The following GGACT variants were observed in gnomAD, a reference collection of about 807,000 sequenced individuals.
GGACT encodes the protein gamma-glutamylaminecyclotransferase.
For synonymous variants in GGACT, 118 were observed against 115.3 expected (o/e 1.02, Z -0.15); for missense variants, 241 against 233.2 (o/e 1.03, Z -0.22).
intron 2 of GGACT, among the ~76,000 whole-genome samples, chr13:100,562,735 G>T (rs1240250831): frequency 6.6e-6 from 1 of 151,524 alleles, no homozygotes; most frequent in Admixed American, 6.6e-5. Flanking sequence ...GGCGGAGGTT[G>T]CAGTGAGCTG....
intron 2 of GGACT, among the ~76,000 whole-genome samples, chr13:100,581,709 A>C (rs1027595248): frequency 1.5e-4 from 23 of 152,156 alleles, no homozygotes; most frequent in African/African-American, 5.6e-4. Flanking sequence ...AGGGAGGGGG[A>C]AAGTGTGACT....
rs1327521234 is a variant in GGACT, at chr13:100,532,253, C to T, written c.339G>A (p.Ala113=). Reference sequence around the variant, plus strand: ...CCCTGCTGTACACGAAGCACTGCACCGCGGTGGGCGCTGGCGGCTCCTCTG... The same window carrying T: ...CCCTGCTGTACACGAAGCACTGCACTGCGGTGGGCGCTGGCGGCTCCTCTG... The part of the protein sequence containing the change: ...PGAEEPPAPT[A]VQCFVYSRAT... Residue 113 remains alanine (A), a synonymous_variant, in exon 3 of 3, where the codon GCG becomes GCA. Coordinates refer to ENST00000683975, the MANE Select transcript of GGACT (RefSeq NM_001195087.2). 1.3e-6 allele frequency: 2 copies of T among 1,521,416 alleles called. No individual in the cohort carries two copies. Among genetic ancestry groups the T allele is most frequent in the Non-Finnish European group, 1.8e-6 (2 of 1,129,028 alleles). 94.2% of individuals were successfully genotyped at this position (1,521,416 alleles called of 1,614,324 possible). A position where few individuals can be genotyped will look rare whatever the true frequency, so the allele number is the denominator to read the frequency against.
intron 2 of GGACT, among the ~76,000 whole-genome samples, chr13:100,557,154 G>A (rs2153014794): frequency 6.6e-6 from 1 of 152,292 alleles, no homozygotes; most frequent in Middle Eastern, 3.4e-3. Flanking sequence ...GCCTCCTAAA[G>A]TGCTGGGATT....
At chr13:100,544,038 C>A (rs1301133648) in intron 2 of GGACT, among the ~76,000 whole-genome samples, 1 of 152,200 alleles carries the variant, frequency 6.6e-6, no homozygotes, top group Non-Finnish European at 1.5e-5. Context: ...CCTGAGCAAA[C>A]GCAGCCATTC....
At chr13:100,540,585 C>A (rs1171967527) in intron 2 of GGACT, among the ~76,000 whole-genome samples, 1 of 152,220 alleles carries the variant, frequency 6.6e-6, no homozygotes, top group Non-Finnish European at 1.5e-5. Flanking sequence ...CTTGGTTTAA[C>A]TGATTTTCTC....
In GGACT at chr13:100,577,657, G is replaced by A. The variant is rs755230644; in HGVS notation, c.-11+6168C>T. On this transcript the variant is annotated intron_variant, in intron 2 of 2. Coordinates refer to ENST00000683975, the MANE Select transcript of GGACT (RefSeq NM_001195087.2). ...CCAAAACACAAAGGGAGGAGGGCAC[G>A]TGGAACAAGCATGGCAAAGCCAGTA... Among the ~76,000 whole-genome samples, 7 of 152,208 alleles carry A rather than the reference G, an allele frequency of 4.6e-5. No homozygotes were observed. In the East Asian group the frequency reaches 5.8e-4, roughly 13 times the overall value.
At chr13:100,555,014 A>G (rs1185761289) in intron 2 of GGACT, among the ~76,000 whole-genome samples, 5 of 152,268 alleles carry the variant, frequency 3.3e-5, no homozygotes, top group Admixed American at 3.3e-4. Flanking sequence ...AGAAGTAGAT[A>G]ACCTGCAAAG....
At chr13:100,535,583 T>C (rs1382868654) in intron 2 of GGACT, among the ~76,000 whole-genome samples, 1 of 152,226 alleles carries the variant, frequency 6.6e-6, no homozygotes, top group East Asian at 1.9e-4. Context: ...GTGCCGCTGC[T>C]GTCATCACTG....
rs567401065 is a variant in GGACT, at chr13:100,536,461, T to A, written c.-10-3860A>T. The A allele has an allele frequency of 9.2e-5, 14 of 152,040 alleles. No homozygotes were observed. The East Asian group carries it at 2.1e-3, about 23-fold the overall frequency. 9.4% of individuals were successfully genotyped at this position (152,040 alleles called of 1,614,324 possible). ...TATCTTGCATTTCTTCTATTAAAAATTTTTTTGCCATGATATTTATTTCCA... is the reference window on the plus strand; with the variant it reads ...TATCTTGCATTTCTTCTATTAAAAAATTTTTTGCCATGATATTTATTTCCA... On this transcript the variant is annotated intron_variant, in intron 2 of 2. Transcript: ENST00000683975.
chr13:100,573,267 CA>C (rs955819779), intron 2 of GGACT, among the ~76,000 whole-genome samples: 8 of 152,288 alleles, frequency 5.3e-5, no homozygotes, highest in Admixed American at 1.3e-4. Flanking sequence ...GTATTCTAAA[CA>C]CCCTGGACTA....
chr13:100,533,198 G>C (rs992660192), intron 2 of GGACT: 2 of 158,254 alleles, frequency 1.3e-5, no homozygotes, highest in Admixed American at 5.9e-5. Flanking sequence ...GCCAGAAGAC[G>C]CCCTGTCCAG....
chr13:100,558,498 C>G lies in GGACT; in HGVS notation c.-11+25327G>C, dbSNP rs557372196. On this transcript the variant is annotated intron_variant, in intron 2 of 2. Coordinates refer to ENST00000683975, the MANE Select transcript of GGACT (RefSeq NM_001195087.2). The stretch of plus-strand genomic sequence containing the variant: ...GGCTAACATTGAAGACTATTAATAC[C>G]AAGTGTTGGCAAGATGTAGAGTAAC... Among the ~76,000 whole-genome samples, 174 of 152,154 alleles carry G rather than the reference C, an allele frequency of 1.1e-3. 1 individual carries two copies. In the Middle Eastern group the frequency reaches 0.014, roughly 12 times the overall value.
At chr13:100,571,322 A>G (rs1467045351) in intron 2 of GGACT, among the ~76,000 whole-genome samples, 1 of 152,220 alleles carries the variant, frequency 6.6e-6, no homozygotes, top group African/African-American at 2.4e-5. Flanking sequence ...AGGAAAATTG[A>G]AAAGACTGTA....
intron 2 of GGACT, among the ~76,000 whole-genome samples, chr13:100,572,419 A>G (rs1875115792): frequency 6.6e-6 from 1 of 152,238 alleles, no homozygotes; most frequent in South Asian, 2.1e-4. Context: ...GGAGTTGTTT[A>G]ATGGATATAG....
At chr13:100,577,421 AT>A (rs1441315547) in intron 2 of GGACT, among the ~76,000 whole-genome samples, 13 of 145,540 alleles carry the variant, frequency 8.9e-5, no homozygotes, top group African/African-American at 3.4e-4. Context: ...CATCTCAAAA[AT>A]AAATAAATAA....
chr13:100,560,711 C>T (rs1451512040), intron 2 of GGACT, among the ~76,000 whole-genome samples: 1 of 152,204 alleles, frequency 6.6e-6, no homozygotes, highest in Non-Finnish European at 1.5e-5. Flanking sequence ...TTTAGCCTCC[C>T]CAGGTTTTAT....
At chr13:100,583,400 T>A (rs748756835) in intron 2 of GGACT, among the ~76,000 whole-genome samples, 11 of 152,246 alleles carry the variant, frequency 7.2e-5, no homozygotes, top group Non-Finnish European at 1.2e-4. Flanking sequence ...TTATAGTACG[T>A]ATGACAAAAG....
chr13:100,539,490 T>C (rs1408833866), intron 2 of GGACT: 1 of 172,004 alleles, frequency 5.8e-6, no homozygotes, highest in Non-Finnish European at 1.2e-5. Flanking sequence ...ATTCTGTTAA[T>C]GTAGTGTATT....
At chr13:100,533,913 TG>T (rs1171515322) in intron 2 of GGACT, 1 of 152,316 alleles carries the variant, frequency 6.6e-6, no homozygotes, top group Admixed American at 6.5e-5. Flanking sequence ...TGACAGCCTG[TG>T]GGGCGACTCG....
Sources: allele counts gnomAD v4.1 joint callset (sites outside exome capture counted in the v4.1 genomes callset), GRCh38; gene constraint gnomAD v4.1.1; transcripts MANE v1.5; gene names NCBI Gene and HGNC (gene_info 2026-07-23, HGNC 2026-07-21).